GNB1: variants seen among roughly 807,000 people sequenced by gnomAD.
The protein encoded by GNB1 is G protein subunit beta 1, also known as guanine nucleotide-binding protein G(I)/G(S)/G(T) subunit beta-1.
Under a neutral mutation model 42.9 loss-of-function variants are expected in GNB1, and 2 were observed. That is an observed-to-expected ratio of 0.05 (90% CI 0.02 to 0.15). The LOEUF (loss-of-function observed/expected upper bound fraction) is 0.15. Ranked by LOEUF, GNB1 falls within the 10% of genes least tolerant of loss-of-function variation. The probability of loss-of-function intolerance (pLI) is 1.00; values close to 1 mark genes in which losing one functional copy is unlikely to be tolerated. For synonymous variants in GNB1, 183 were observed against 174.7 expected (o/e 1.05, Z -0.38); for missense variants, 193 against 462.2 (o/e 0.42, Z 5.34).
intron 1 of GNB1, among the ~76,000 whole-genome samples, chr1:1,864,314 C>CAAAAAAAAAAAAAAAAAAAAAAAA (rs1173466617): frequency 7.9e-5 from 3 of 37,934 alleles, no homozygotes; most frequent in African/African-American, 8.4e-5. Flanking sequence ...AAGACTCTCT[C>CAAAAAAAAAAAAAAAAAAAAAAAA]AAAAAAAAAA....
intron 1 of GNB1, among the ~76,000 whole-genome samples, chr1:1,879,929 G>T (rs571949375): frequency 4.9e-4 from 74 of 151,878 alleles, no homozygotes; most frequent in African/African-American, 1.6e-3. Flanking sequence ...GCTGTTTTTT[G>T]TTGTTGTTGT....
intron 1 of GNB1, among the ~76,000 whole-genome samples, chr1:1,856,887 G>GT (rs1648334582): frequency 6.6e-6 from 1 of 152,190 alleles, no homozygotes; most frequent in Non-Finnish European, 1.5e-5. Flanking sequence ...CCAAGAAAAA[G>GT]GCTCTTGTAC....
At position 1,845,568 on chromosome 1, in the gene GNB1, G is replaced by A. The variant is rs572241464; in HGVS notation, c.-95-6330C>T. Among the ~76,000 whole-genome samples the A allele has an allele frequency of 1.1e-3, 167 of 151,830 alleles. 1 individual carries two copies. The highest frequency in any genetic ancestry group is 3.8e-3 in the African/African-American group (156 of 41,454). On this transcript the variant is annotated intron_variant, in intron 1 of 11. Coordinates refer to ENST00000378609, the MANE Select transcript of GNB1 (RefSeq NM_002074.5). Reference sequence around the variant, plus strand: ...AGCCTGGGTGACAGTGCGAGACTCCGTCTCAAAAAAAATAATAATAAAATA... The same window carrying A: ...AGCCTGGGTGACAGTGCGAGACTCCATCTCAAAAAAAATAATAATAAAATA...
intron 1 of GNB1, among the ~76,000 whole-genome samples, chr1:1,860,728 G>A (rs1648577194): frequency 6.6e-6 from 1 of 151,042 alleles, no homozygotes. Flanking sequence ...AAAAGAGGGA[G>A]GAAGAGTCCC....
rs780752397 is a variant in GNB1, at chr1:1,817,872, C to A, written c.61G>T (p.Ala21Ser). Reference protein sequence around the residue: ...AEQLKNQIRDARKACADATLS... With the variant: ...AEQLKNQIRDSRKACADATLS... ...GTTGCATCTGCACATGCTTTCCTGG[C>A]GTCCTGGGAAGCAAGGACAGTGAGA... Residue 21 changes from alanine to serine, a missense_variant, in exon 4 of 12, where the codon GCC becomes TCC. Coordinates refer to ENST00000378609, the MANE Select transcript of GNB1 (RefSeq NM_002074.5). 1.2e-6 allele frequency: 2 copies of A among 1,610,270 alleles called. No individual in the cohort carries two copies. The highest frequency in any genetic ancestry group is 1.7e-6 in the Non-Finnish European group (2 of 1,176,700).
intron 2 of GNB1, among the ~76,000 whole-genome samples, chr1:1,827,140 G>A (rs569272825): frequency 1.1e-4 from 16 of 152,224 alleles, no homozygotes; most frequent in African/African-American, 3.1e-4. Flanking sequence ...CCCATCTGTG[G>A]GAAACTATCC....
At chr1:1,835,181 T>A (rs1647128997) in intron 2 of GNB1, among the ~76,000 whole-genome samples, 1 of 152,204 alleles carries the variant, frequency 6.6e-6, no homozygotes, top group African/African-American at 2.4e-5. Context: ...TTATTGGCAT[T>A]TGCAGGTCCA....
At chr1:1,838,634 C>G (rs949083597) in intron 2 of GNB1, among the ~76,000 whole-genome samples, 1 of 151,804 alleles carries the variant, frequency 6.6e-6, no homozygotes, top group African/African-American at 2.4e-5. Context: ...TTAGTAGAGA[C>G]AGGGTTTCAC....
At chr1:1,817,576 A>C (rs1337749027) in intron 4 of GNB1, 4 of 311,332 alleles carry the variant, frequency 1.3e-5, no homozygotes, top group African/African-American at 8.5e-5. Context: ...AAATATCTTA[A>C]GACAATAACA....
At position 1,816,928 on chromosome 1, in the gene GNB1, A is replaced by G. The variant is rs569629175; in HGVS notation, c.96+909T>C. 1.6e-3 allele frequency among the ~76,000 whole-genome samples: 238 copies of G among 152,112 alleles called. 1 individual carries two copies. The highest frequency in any genetic ancestry group is 2.9e-3 in the Non-Finnish European group (196 of 67,988). On this transcript the variant is annotated intron_variant, in intron 4 of 11. Transcript: ENST00000378609. The stretch of plus-strand genomic sequence containing the variant: ...CTCCCAAAGTGCTGGGATGGACTTC[A>G]TTTTTTTAATAAGGTGAAGTTCACG...
At position 1,838,393 on chromosome 1, in the gene GNB1, G is replaced by A. The variant is rs1417151619; in HGVS notation, c.-47+797C>T. ...TATTCCCACTTTATTCAAACAAAAAGGTTTTTGTTTTGTTTTGTTTTCCTG... is the reference window on the plus strand; with the variant it reads ...TATTCCCACTTTATTCAAACAAAAAAGTTTTTGTTTTGTTTTGTTTTCCTG... On this transcript the variant is annotated intron_variant, in intron 2 of 11. Transcript: ENST00000378609. Among the ~76,000 whole-genome samples, 3 of 151,786 alleles carry A rather than the reference G, an allele frequency of 2.0e-5. No individual in the cohort carries two copies. In the East Asian group the frequency reaches 5.8e-4, roughly 29 times the overall value.
At chr1:1,861,307 T>A (rs926404571) in intron 1 of GNB1, among the ~76,000 whole-genome samples, 3 of 151,714 alleles carry the variant, frequency 2.0e-5, no homozygotes, top group African/African-American at 7.3e-5. Flanking sequence ...CACAAAAAAA[T>A]TTTTTAAAAA....
intron 1 of GNB1, among the ~76,000 whole-genome samples, chr1:1,862,004 T>C (rs911119564): frequency 1.6e-4 from 24 of 151,614 alleles, no homozygotes; most frequent in African/African-American, 5.8e-4. Context: ...GGGTCGGAGG[T>C]TGCAGTGAGC....
At chr1:1,852,112 A>T (rs1279735674) in intron 1 of GNB1, among the ~76,000 whole-genome samples, 2 of 152,224 alleles carry the variant, frequency 1.3e-5, no homozygotes, top group African/African-American at 4.8e-5. Flanking sequence ...GGTTGAATAT[A>T]TAAAAAGAGA....
chr1:1,876,827 G>C (rs1649571320), intron 1 of GNB1, among the ~76,000 whole-genome samples: 1 of 152,084 alleles, frequency 6.6e-6, no homozygotes, highest in Non-Finnish European at 1.5e-5. Flanking sequence ...AGAAAACTAA[G>C]GTAGAGACGT....
rs1648680497 is a variant in GNB1 at position 1,862,382 on chromosome 1, G to T, written c.-95-23144C>A. Among the ~76,000 whole-genome samples, 3 of 152,118 alleles carry T rather than the reference G, an allele frequency of 2.0e-5. No individual in the cohort carries two copies. The South Asian group carries it at 6.2e-4, about 32-fold the overall frequency. On this transcript the variant is annotated intron_variant, in intron 1 of 11. Transcript: ENST00000378609. ...ATGATTACAACAGTCTGAGTGAGAAGTCCACCCATTAACTTCTCCCCACAC... is the reference window on the plus strand; with the variant it reads ...ATGATTACAACAGTCTGAGTGAGAATTCCACCCATTAACTTCTCCCCACAC...
intron 1 of GNB1, among the ~76,000 whole-genome samples, chr1:1,854,589 G>T (rs531046360): frequency 6.6e-6 from 1 of 152,330 alleles, no homozygotes; most frequent in African/African-American, 2.4e-5. Flanking sequence ...TACATCTCCT[G>T]TTAGTCCCAG....
At chr1:1,802,994 G>T (rs527564935) in intron 7 of GNB1, among the ~76,000 whole-genome samples, 1 of 152,136 alleles carries the variant, frequency 6.6e-6, no homozygotes, top group Non-Finnish European at 1.5e-5. Flanking sequence ...TCTTTCAAAG[G>T]ACAAGGTTAA....
intron 7 of GNB1, among the ~76,000 whole-genome samples, chr1:1,799,863 A>G (rs557557847): frequency 6.6e-6 from 1 of 152,334 alleles, no homozygotes; most frequent in Admixed American, 6.5e-5. Flanking sequence ...ACAGCCAGAA[A>G]GCGAAAGGAT....
Sources: gnomAD v4.1 joint callset for allele counts (sites outside exome capture counted in the v4.1 genomes callset) on GRCh38, gnomAD v4.1.1 for gene constraint, MANE v1.5 for transcripts, NCBI Gene and HGNC (gene_info 2026-07-23, HGNC 2026-07-21) for gene names.